Variants in RSPO2 observed in about 807,000 individuals in gnomAD.
The protein encoded by RSPO2 is R-spondin-2.
In RSPO2, 14 loss-of-function variants were observed where a neutral mutation model predicts 30.9. That is an observed-to-expected ratio of 0.45 (90% confidence interval 0.30 to 0.71). The LOEUF is 0.71. Ranked by LOEUF, RSPO2 falls within the 30% of genes least tolerant of loss-of-function variation. RSPO2 has a pLI of 0.08. For missense variants in RSPO2, 264 were observed against 301.9 expected (o/e 0.87, Z 0.93); for synonymous variants, 107 against 96.4 (o/e 1.11, Z -0.64).
intron 2 of RSPO2, among the ~76,000 whole-genome samples, chr8:108,056,131 T>C (rs539119767): frequency 6.6e-6 from 1 of 152,310 alleles, no homozygotes. Flanking sequence ...TATAGGGGAA[T>C]TGGTTTTTTC....
intron 2 of RSPO2, among the ~76,000 whole-genome samples, chr8:108,020,461 A>G (rs1811024345): frequency 6.6e-6 from 1 of 152,220 alleles, no homozygotes; most frequent in Admixed American, 6.5e-5. Context: ...TAAAGAACAA[A>G]GTCTAGTCTC....
intron 3 of RSPO2, among the ~76,000 whole-genome samples, chr8:107,981,465 G>A (rs903627534): frequency 1.3e-5 from 2 of 152,068 alleles, no homozygotes; most frequent in Non-Finnish European, 2.9e-5. Flanking sequence ...AGGTTACAGT[G>A]AGCTGAGACC....
chr8:108,064,478 A>T (rs1419852253), intron 2 of RSPO2, among the ~76,000 whole-genome samples: 1 of 152,216 alleles, frequency 6.6e-6, no homozygotes, highest in Non-Finnish European at 1.5e-5. Flanking sequence ...ATGAGATACC[A>T]TCTCACACCA....
chr8:108,016,604 C>CAT (rs1810895713), intron 2 of RSPO2, among the ~76,000 whole-genome samples: 1 of 152,150 alleles, frequency 6.6e-6, no homozygotes. Context: ...CAATATTTAA[C>CAT]ATATACACAC....
chr8:108,015,304 A>G (rs10099123), intron 2 of RSPO2, among the ~76,000 whole-genome samples: 2,475 of 152,314 alleles, frequency 0.016, 76 homozygotes, highest in African/African-American at 0.057. Context: ...GTAAATGTCA[A>G]TAGTACTACC....
At chr8:108,031,425 A>C (rs1811418738) in intron 2 of RSPO2, among the ~76,000 whole-genome samples, 1 of 152,234 alleles carries the variant, frequency 6.6e-6, no homozygotes, top group African/African-American at 2.4e-5. Context: ...GGTTATTACC[A>C]ATCATTAAAA....
chr8:107,991,245 C>T (rs1243132016), intron 2 of RSPO2, among the ~76,000 whole-genome samples: 3 of 135,346 alleles, frequency 2.2e-5, no homozygotes, highest in African/African-American at 8.7e-5. Context: ...GAAACTCCAT[C>T]TCAAACACAC....
chr8:107,945,509 A>G (rs1813033881), intron 5 of RSPO2, among the ~76,000 whole-genome samples: 2 of 151,852 alleles, frequency 1.3e-5, no homozygotes, highest in Non-Finnish European at 1.5e-5. Context: ...CGGCCTCCCA[A>G]AGTGCTGGGA....
chr8:107,906,647 T>G (rs4734164), intron 5 of RSPO2, among the ~76,000 whole-genome samples: 13,434 of 151,976 alleles, frequency 0.088, 767 homozygotes, highest in South Asian at 0.17. Context: ...TGTTAGTTCT[T>G]GAAGCTTTTT....
intron 2 of RSPO2, among the ~76,000 whole-genome samples, chr8:108,005,135 T>C (rs1168723815): frequency 6.6e-6 from 1 of 152,178 alleles, no homozygotes; most frequent in Non-Finnish European, 1.5e-5. Flanking sequence ...CCCTCATGAC[T>C]GGTCATATAT....
intron 2 of RSPO2, among the ~76,000 whole-genome samples, chr8:108,032,297 A>T (rs1811447900): frequency 6.6e-6 from 1 of 152,248 alleles, no homozygotes; most frequent in Non-Finnish European, 1.5e-5. Context: ...TATAGTTCCC[A>T]GATTGTCTAT....
At chr8:108,023,701 CCA>C (rs1563568114) in intron 2 of RSPO2, among the ~76,000 whole-genome samples, 1 of 152,054 alleles carries the variant, frequency 6.6e-6, no homozygotes, top group Non-Finnish European at 1.5e-5. Context: ...TCTGTTATGG[CCA>C]CAGGTAATAG....
Position 107,916,283 on chromosome 8 carries a change from A to G in RSPO2, c.617-15093T>C, listed in dbSNP as rs112715015. Among the ~76,000 whole-genome samples, 1,091 of 152,246 alleles carry G rather than the reference A, an allele frequency of 7.2e-3. 10 individuals carry two copies. The highest frequency in any genetic ancestry group is 0.025 in the African/African-American group (1,033 of 41,538). On this transcript the variant is annotated intron_variant, in intron 5 of 5. Coordinates refer to ENST00000276659, the MANE Select transcript of RSPO2 (RefSeq NM_178565.5). ...CCTCTGACATTTAAAAAATTGTTCA[A>G]TATACCTACTTTGGAGCACTAGATT...
At chr8:107,951,074 G>A (rs1296234350) in intron 5 of RSPO2, among the ~76,000 whole-genome samples, 1 of 134,854 alleles carries the variant, frequency 7.4e-6, no homozygotes, top group Non-Finnish European at 1.6e-5. Flanking sequence ...TGTTGTTGTT[G>A]TTGTTGTTTT....
intron 2 of RSPO2, among the ~76,000 whole-genome samples, chr8:108,022,616 A>C (rs1375556399): frequency 6.6e-6 from 1 of 152,174 alleles, no homozygotes; most frequent in African/African-American, 2.4e-5. Flanking sequence ...CTTAAATACA[A>C]ACAATAAGTT....
chr8:107,943,215 G>A (rs928171739), intron 5 of RSPO2, among the ~76,000 whole-genome samples: 7 of 152,030 alleles, frequency 4.6e-5, no homozygotes, highest in South Asian at 2.1e-4. Context: ...ACATGCGTGC[G>A]TGCGCGCGCA....
chr8:108,019,624 A>G (rs959283975), intron 2 of RSPO2, among the ~76,000 whole-genome samples: 1 of 152,124 alleles, frequency 6.6e-6, no homozygotes, highest in Non-Finnish European at 1.5e-5. Flanking sequence ...TTGCCCTCAA[A>G]TCAAGCTGGG....
chr8:107,935,118 C>A (rs774716546), intron 5 of RSPO2, among the ~76,000 whole-genome samples: 4 of 152,146 alleles, frequency 2.6e-5, no homozygotes, highest in Non-Finnish European at 4.4e-5. Context: ...TAGTATTTCT[C>A]TTCTTACAAA....
chr8:107,916,158 C>T (rs1290477707), intron 5 of RSPO2, among the ~76,000 whole-genome samples: 2 of 152,130 alleles, frequency 1.3e-5, no homozygotes, highest in African/African-American at 4.8e-5. Flanking sequence ...GTCAGAGAAA[C>T]AAACTTTAAT....
Sources: gnomAD v4.1 joint callset for allele counts (sites outside exome capture counted in the v4.1 genomes callset) on GRCh38, gnomAD v4.1.1 for gene constraint, MANE v1.5 for transcripts, NCBI Gene and HGNC (gene_info 2026-07-23, HGNC 2026-07-21) for gene names.